Variants in MAGI2 observed in about 807,000 individuals in gnomAD.
MAGI2 encodes membrane associated guanylate kinase, WW and PDZ domain containing 2.
In MAGI2, 35 loss-of-function variants were observed where a neutral mutation model predicts 133.3. The ratio of observed to expected loss-of-function variants is 0.26; its 90% CI spans 0.20 to 0.35. The LOEUF (loss-of-function observed/expected upper bound fraction) is 0.35, where lower values mean the gene tolerates loss of function less well. MAGI2 is among the 10% of genes least tolerant of loss of function. The probability of loss-of-function intolerance (pLI) is 1.00; values close to 1 mark genes in which losing one functional copy is unlikely to be tolerated. For missense variants in MAGI2, 1,636 were observed against 1,863.4 expected (o/e 0.88, Z 2.25); for synonymous variants, 729 against 710.6 (o/e 1.03, Z -0.41).
At chr7:78,145,973 A>G (rs574665404) in intron 16 of MAGI2, among the ~76,000 whole-genome samples, 1 of 152,314 alleles carries the variant, frequency 6.6e-6, no homozygotes, top group African/African-American at 2.4e-5. Context: ...GTTTTGGAGC[A>G]GGAGACACAA....
intron 1 of MAGI2, among the ~76,000 whole-genome samples, chr7:79,118,158 T>C (rs1819568312): frequency 6.6e-6 from 1 of 152,194 alleles, no homozygotes; most frequent in Admixed American, 6.5e-5. Context: ...TCCCTCTGTG[T>C]TCTCACTTCC....
Position 78,870,161 on chromosome 7 carries a change from G to A in MAGI2, c.418+136929C>T, listed in dbSNP as rs538394627. On this transcript the variant is annotated intron_variant, in intron 2 of 21. Transcript: ENST00000354212. ...AAAGTGGGCAAATGGCTGAGCCTGGGCAACATGGCAAAACTCCATCTCAAC... is the reference window on the plus strand; with the variant it reads ...AAAGTGGGCAAATGGCTGAGCCTGGACAACATGGCAAAACTCCATCTCAAC... Among the ~76,000 whole-genome samples the A allele has an allele frequency of 7.9e-5, 12 of 151,802 alleles. No homozygotes were observed. In the South Asian group the frequency reaches 2.1e-3, roughly 26 times the overall value.
intron 1 of MAGI2, among the ~76,000 whole-genome samples, chr7:79,378,972 T>TATATATATATA (rs1563168440): frequency 5.2e-5 from 4 of 76,736 alleles, no homozygotes; most frequent in African/African-American, 2.0e-4. Flanking sequence ...ATATATATAT[T>TATATATATATA]AAACTTTAAG....
intron 1 of MAGI2, among the ~76,000 whole-genome samples, chr7:79,323,233 A>ACC (rs1046783441): frequency 1.9e-4 from 29 of 152,296 alleles, no homozygotes; most frequent in Admixed American, 4.6e-4. Flanking sequence ...GAAGAACAGG[A>ACC]CCACATCCTC....
chr7:79,161,950 T>G (rs1263517897), intron 1 of MAGI2, among the ~76,000 whole-genome samples: 4 of 152,064 alleles, frequency 2.6e-5, no homozygotes, highest in Non-Finnish European at 4.4e-5. Context: ...GGAGTTTATA[T>G]GGTCAATTAA....
At chr7:78,545,512 C>G (rs1240980127) in intron 3 of MAGI2, among the ~76,000 whole-genome samples, 6 of 152,002 alleles carry the variant, frequency 3.9e-5, no homozygotes, top group Non-Finnish European at 8.8e-5. Flanking sequence ...GTGCTCAGCC[C>G]CAAATAAACT....
intron 1 of MAGI2, among the ~76,000 whole-genome samples, chr7:79,129,029 C>G (rs1820681602): frequency 6.6e-6 from 1 of 152,030 alleles, no homozygotes; most frequent in Non-Finnish European, 1.5e-5. Context: ...CACCACCACG[C>G]TCAGCTAATT....
intron 2 of MAGI2, 107 bp downstream of exon 2, chr7:79,006,983 G>T: frequency 1.3e-6 from 1 of 773,334 alleles, no homozygotes; most frequent in South Asian, 2.5e-5. Flanking sequence ...TGTTCCAAAA[G>T]CCCACTATAA....
intron 1 of MAGI2, among the ~76,000 whole-genome samples, chr7:79,290,956 A>G (rs1396129566): frequency 6.6e-6 from 1 of 152,134 alleles, no homozygotes; most frequent in Non-Finnish European, 1.5e-5. Flanking sequence ...TAAAAAATGA[A>G]GCTTACAATT....
At chr7:78,234,658 A>T (rs1306263307) in intron 10 of MAGI2, among the ~76,000 whole-genome samples, 1 of 139,750 alleles carries the variant, frequency 7.2e-6, no homozygotes, top group African/African-American at 2.5e-5. Context: ...CATATTCCAC[A>T]GTATGAAAAA....
chr7:78,462,361 A>C (rs564305163), intron 6 of MAGI2, among the ~76,000 whole-genome samples: 1 of 152,244 alleles, frequency 6.6e-6, no homozygotes, highest in South Asian at 2.1e-4. Flanking sequence ...ATGGCATAAA[A>C]ATAGAGACAA....
intron 3 of MAGI2, among the ~76,000 whole-genome samples, chr7:78,584,421 GAAAAAAAA>G (rs57844382): frequency 1.2e-4 from 10 of 83,962 alleles, no homozygotes; most frequent in Admixed American, 2.8e-4. Context: ...CTCCGTCTCA[GAAAAAAAA>G]AAAAAAAAAA....
chr7:78,677,213 A>G (rs977659274), intron 2 of MAGI2, among the ~76,000 whole-genome samples: 2 of 151,966 alleles, frequency 1.3e-5, no homozygotes, highest in African/African-American at 4.8e-5. Flanking sequence ...CTGCTTTGCT[A>G]TACTGTAGGT....
At chr7:78,488,900 G>C (rs758527481) in intron 6 of MAGI2, among the ~76,000 whole-genome samples, 232 of 151,958 alleles carry the variant, frequency 1.5e-3, no homozygotes, top group Non-Finnish European at 3.0e-3. Context: ...TTTGTTTAAC[G>C]TTCAAATATT....
At chr7:79,079,714 A>G (rs1454210288) in intron 1 of MAGI2, among the ~76,000 whole-genome samples, 1 of 152,176 alleles carries the variant, frequency 6.6e-6, no homozygotes, top group Non-Finnish European at 1.5e-5. Flanking sequence ...AAATTTCTAA[A>G]TAGCCCTAAG....
chr7:79,186,230 ATATATATATATATT>A, intron 1 of MAGI2, among the ~76,000 whole-genome samples: 1 of 67,956 alleles, frequency 1.5e-5, no homozygotes, highest in South Asian at 4.9e-4. Flanking sequence ...ATATATATAT[ATATATATATATATT>A]TATATTTATT....
chr7:78,127,499 C>A, intron 18 of MAGI2, 83 bp from the exon 19 acceptor site: 3 of 926,626 alleles, frequency 3.2e-6, no homozygotes, highest in African/African-American at 1.6e-5. Context: ...CAGAGGTGGG[C>A]CAGCCATGAC....
chr7:78,940,383 T>C (rs1206457786), intron 2 of MAGI2: 1 of 152,174 alleles, frequency 6.6e-6, no homozygotes, highest in Non-Finnish European at 1.5e-5. Flanking sequence ...AAAATTTTTT[T>C]GAGAGAGTAA....
chr7:78,054,357 C>T lies in MAGI2; in HGVS notation c.3706+24590G>A, dbSNP rs1228574814. ...GTCAGGCTGGTCTTGAAATCCTGAC[C>T]TCATGATCCGCCTACCTCAGGCTCC... On this transcript the variant is annotated intron_variant, in intron 21 of 21. Coordinates refer to ENST00000354212, the MANE Select transcript of MAGI2 (RefSeq NM_012301.4). Among the ~76,000 whole-genome samples the T allele has an allele frequency of 4.6e-5, 7 of 152,204 alleles. No homozygotes were observed. In the East Asian group the frequency reaches 1.4e-3, roughly 30 times the overall value.
Sources: allele counts gnomAD v4.1 joint callset (sites outside exome capture counted in the v4.1 genomes callset), GRCh38; gene constraint gnomAD v4.1.1; transcripts MANE v1.5; gene names NCBI Gene and HGNC (gene_info 2026-07-23, HGNC 2026-07-21).